The following HMGA2 variants were observed in gnomAD, a reference collection of about 807,000 sequenced individuals.
HMGA2 encodes the protein high mobility group protein HMGI-C.
Under a neutral mutation model 19.1 loss-of-function variants are expected in HMGA2, and 8 were observed. The ratio of observed to expected loss-of-function variants is 0.42; its 90% CI spans 0.25 to 0.76. The LOEUF is 0.76. Ranked by LOEUF, HMGA2 falls within the 30% of genes least tolerant of loss-of-function variation. The probability of loss-of-function intolerance (pLI) is 0.28; values close to 1 mark genes in which losing one functional copy is unlikely to be tolerated. For synonymous variants in HMGA2, 60 were observed against 48.8 expected (o/e 1.23, Z -0.96); for missense variants, 109 against 136.3 (o/e 0.80, Z 1.00).
chr12:65,909,246 G>A (rs1341546840), intron 3 of HMGA2, among the ~76,000 whole-genome samples: 2 of 152,092 alleles, frequency 1.3e-5, no homozygotes, highest in African/African-American at 4.8e-5. Flanking sequence ...TGTTTTGTCT[G>A]GCGCCAGCAC....
At chr12:65,948,028 A>G (rs1023812919) in intron 3 of HMGA2, among the ~76,000 whole-genome samples, 5 of 151,988 alleles carry the variant, frequency 3.3e-5, no homozygotes, top group Non-Finnish European at 5.9e-5. Context: ...TCTTCAGAGC[A>G]TTATATCAGG....
chr12:65,842,811 A>G, intron 3 of HMGA2: 1 of 1,373,242 alleles, frequency 7.3e-7, no homozygotes, highest in South Asian at 2.0e-5. Context: ...TTGCCTAGGA[A>G]AGGAGCTCGT....
intron 3 of HMGA2, among the ~76,000 whole-genome samples, chr12:65,877,749 G>A (rs1024110921): frequency 2.0e-5 from 3 of 151,626 alleles, no homozygotes; most frequent in Admixed American, 6.6e-5. Context: ...TATCTCCCAC[G>A]TCAATGGAGC....
intron 3 of HMGA2, chr12:65,934,689 C>A (rs1875832995): frequency 6.6e-6 from 1 of 152,178 alleles, no homozygotes; most frequent in Non-Finnish European, 1.5e-5. Context: ...AGAAGTTCCT[C>A]ACTTGAAAGT....
intron 3 of HMGA2, among the ~76,000 whole-genome samples, chr12:65,929,368 T>A (rs1387113366): frequency 6.6e-6 from 1 of 152,040 alleles, no homozygotes; most frequent in African/African-American, 2.4e-5. Context: ...AAGGAAGTAA[T>A]CCTAATTTTA....
At chr12:65,877,335 T>C (rs1489726178) in intron 3 of HMGA2, among the ~76,000 whole-genome samples, 3 of 152,264 alleles carry the variant, frequency 2.0e-5, no homozygotes, top group East Asian at 1.9e-4. Flanking sequence ...ATTTGCCCTG[T>C]GGAAGTAGTT....
chr12:65,854,297 A>G (rs1014103131), intron 3 of HMGA2, among the ~76,000 whole-genome samples: 8 of 152,232 alleles, frequency 5.3e-5, no homozygotes, highest in African/African-American at 1.9e-4. Context: ...TCTTTAAATA[A>G]AACTTTCTTT....
chr12:65,852,788 T>C (rs561589480), intron 3 of HMGA2, among the ~76,000 whole-genome samples: 5 of 152,006 alleles, frequency 3.3e-5, no homozygotes, highest in Non-Finnish European at 5.9e-5. Flanking sequence ...ATAAGCAGGG[T>C]TGGGTGAGGT....
At chr12:65,838,765 CT>C (rs1462869768) in intron 3 of HMGA2, among the ~76,000 whole-genome samples, 196 bp downstream of exon 3, 2 of 152,066 alleles carry the variant, frequency 1.3e-5, no homozygotes, top group African/African-American at 4.8e-5. Context: ...GAACACTTTT[CT>C]TTCCTGAAGG....
intron 3 of HMGA2, among the ~76,000 whole-genome samples, chr12:65,922,952 A>G (rs1875371452): frequency 6.6e-6 from 1 of 152,128 alleles, no homozygotes; most frequent in Admixed American, 6.5e-5. Flanking sequence ...TTCGCCTACC[A>G]CCATGATTCT....
chr12:65,865,835 GGT>G (rs1872377898), intron 3 of HMGA2, among the ~76,000 whole-genome samples: 1 of 151,646 alleles, frequency 6.6e-6, no homozygotes, highest in South Asian at 2.1e-4. Flanking sequence ...GTAGAAACGG[GGT>G]TTCATCATGT....
At chr12:65,829,042 T>G (rs1217477412) in intron 2 of HMGA2, 1 of 152,174 alleles carries the variant, frequency 6.6e-6, no homozygotes, top group Non-Finnish European at 1.5e-5. Context: ...AGAACTAAAT[T>G]TGGATATACC....
At chr12:65,893,928 A>C (rs1383743987) in intron 3 of HMGA2, among the ~76,000 whole-genome samples, 1 of 152,098 alleles carries the variant, frequency 6.6e-6, no homozygotes, top group Non-Finnish European at 1.5e-5. Flanking sequence ...GCTGAAGAAG[A>C]GTGCTTGTGA....
intron 3 of HMGA2, among the ~76,000 whole-genome samples, chr12:65,840,387 A>C (rs1211851826): frequency 6.6e-6 from 1 of 152,222 alleles, no homozygotes; most frequent in Non-Finnish European, 1.5e-5. Flanking sequence ...TGGGATCCAG[A>C]ATCTGGAGCT....
intron 2 of HMGA2, among the ~76,000 whole-genome samples, chr12:65,829,984 A>G (rs1870406105): frequency 6.6e-6 from 1 of 151,930 alleles, no homozygotes; most frequent in Non-Finnish European, 1.5e-5. Context: ...ACATTATTCC[A>G]ATTTCCAAAA....
intron 2 of HMGA2, among the ~76,000 whole-genome samples, chr12:65,837,657 A>C (rs528388304): frequency 6.6e-6 from 1 of 152,164 alleles, no homozygotes; most frequent in Non-Finnish European, 1.5e-5. Context: ...GTGTATGAAG[A>C]TTGGACTAGG....
rs1468631401 is a variant in HMGA2, at chr12:65,938,184, A to T, written c.250-13199A>T. On this transcript the variant is annotated intron_variant, in intron 3 of 4. Coordinates refer to ENST00000403681, the MANE Select transcript of HMGA2 (RefSeq NM_003483.6). ...CCCATTTTTTGACTCTGAAGGAAAT[A>T]GACTGAGAATAAATGTCAACTGGAA... is the stretch of plus-strand genomic sequence containing the variant. 2.6e-5 allele frequency among the ~76,000 whole-genome samples: 4 copies of T among 152,240 alleles called. No homozygotes were observed. The East Asian group carries it at 7.7e-4, about 29-fold the overall frequency.
chr12:65,949,313 T>C (rs1272100070), intron 3 of HMGA2, among the ~76,000 whole-genome samples: 1 of 152,078 alleles, frequency 6.6e-6, no homozygotes, highest in African/African-American at 2.4e-5. Context: ...TTATATGGAA[T>C]TTTTAATGTA....
intron 3 of HMGA2, among the ~76,000 whole-genome samples, chr12:65,871,769 T>C (rs1228990647): frequency 1.3e-5 from 2 of 152,196 alleles, no homozygotes; most frequent in Non-Finnish European, 2.9e-5. Flanking sequence ...TAAGACCTCT[T>C]AAAAATCACT....
Sources: gnomAD v4.1 joint callset for allele counts (sites outside exome capture counted in the v4.1 genomes callset) on GRCh38, gnomAD v4.1.1 for gene constraint, MANE v1.5 for transcripts, NCBI Gene and HGNC (gene_info 2026-07-23, HGNC 2026-07-21) for gene names.